RARS2: variants seen among roughly 807,000 people sequenced by gnomAD.
RARS2 encodes the protein probable arginine--tRNA ligase, mitochondrial.
A neutral mutation model predicts 88.5 loss-of-function variants in RARS2; 67 were observed. That is an observed-to-expected ratio of 0.76 (90% CI 0.62 to 0.93). The LOEUF (loss-of-function observed/expected upper bound fraction) is 0.93. Among genes scored for constraint, RARS2 ranks in the 40% least tolerant of loss-of-function variants. The pLI, the probability that RARS2 is intolerant of heterozygous loss-of-function variation, is 0.00. For synonymous variants in RARS2, 239 were observed against 230.3 expected, an observed-to-expected ratio of 1.04 and a Z score of -0.34; for missense variants, 664 against 684.2, an observed-to-expected ratio of 0.97 and a Z score of 0.33.
intron 1 of RARS2, among the ~76,000 whole-genome samples, chr6:87,579,542 T>C (rs751742909): frequency 6.6e-6 from 1 of 152,120 alleles, no homozygotes; most frequent in Non-Finnish European, 1.5e-5. Flanking sequence ...CTGCAGCTAG[T>C]GTTTAAGAAC....
rs889062343 is a variant in RARS2 at position 87,514,030 on chromosome 6, G to A, written c.*383C>T. 3.3e-5 allele frequency among the ~76,000 whole-genome samples: 5 copies of A among 152,176 alleles called. No individual in the cohort carries two copies. Among genetic ancestry groups the A allele is most frequent in the Admixed American group, 2.0e-4 (3 of 15,276 alleles). On this transcript the variant is annotated 3_prime_UTR_variant, in exon 20 of 20. Coordinates refer to ENST00000369536, the MANE Select transcript of RARS2 (RefSeq NM_020320.5). ...TGACACAGAATAATAGTTTAACTTT[G>A]GCTGGGCGTGGTGGTTCATGCCTCT...
Position 87,541,926 on chromosome 6 carries a change from G to T in RARS2, c.604C>A (p.Leu202Ile). Reference protein sequence around the residue: ...EKLQSNPLQHLFEVYVQVNKE... With the variant: ...EKLQSNPLQHIFEVYVQVNKE... ...TTTTCTTGCCAACTTACTTCAAAGA[G>T]ATGCTGTAGAGGATTGGACTGCAGT... The change falls in exon 8 of 20, where the codon CTC becomes ATC. Residue 202 changes from leucine (L) to isoleucine (I), a missense_variant. Coordinates refer to ENST00000369536, the MANE Select transcript of RARS2 (RefSeq NM_020320.5). 6.8e-6 allele frequency: 11 copies of T among 1,612,462 alleles called. No homozygotes were observed. The highest frequency in any genetic ancestry group is 8.5e-6 in the Non-Finnish European group (10 of 1,178,638).
At chr6:87,543,604 G>A (rs973916460) in intron 7 of RARS2, among the ~76,000 whole-genome samples, 1 of 151,946 alleles carries the variant, frequency 6.6e-6, no homozygotes, top group Non-Finnish European at 1.5e-5. Context: ...TGGTGCCACT[G>A]CACGCCAGCC....
At position 87,518,188 on chromosome 6, in the gene RARS2, T is replaced by G; in HGVS notation, c.1492A>C (p.Ile498Leu). The change falls in exon 17 of 20, where the codon ATT (isoleucine) becomes CTT (leucine). Residue 498 changes from isoleucine to leucine, a missense_variant. Coordinates refer to ENST00000369536, the MANE Select transcript of RARS2 (RefSeq NM_020320.5). ...ACLQEPQSVS[I>L]LQHLLRFDEV... ...TCATACCTGAGAAGATGCTGAAGAA[T>G]TGAAACAGACTGTGGCTCTTGTAAA... 1 of 1,614,158 alleles carries G rather than the reference T, an allele frequency of 6.2e-7. No individual in the cohort carries two copies. The highest frequency in any genetic ancestry group is 8.5e-7 in the Non-Finnish European group (1 of 1,180,018).
intron 11 of RARS2, among the ~76,000 whole-genome samples, chr6:87,524,001 A>ATATT (rs1218889748): frequency 1.3e-5 from 2 of 152,220 alleles, no homozygotes; most frequent in Non-Finnish European, 2.9e-5. Flanking sequence ...TTGGTTGCTT[A>ATATT]AAGTTGTTTG....
intron 2 of RARS2, among the ~76,000 whole-genome samples, chr6:87,568,999 T>C (rs1768808093): frequency 6.6e-6 from 1 of 152,208 alleles, no homozygotes; most frequent in Non-Finnish European, 1.5e-5. Context: ...GATACCTCTC[T>C]GTAACTGAGA....
At chr6:87,518,311 T>C in intron 16 of RARS2, 47 bp from the exon 17 acceptor site, 2 of 1,613,272 alleles carry the variant, frequency 1.2e-6, no homozygotes, top group Non-Finnish European at 1.7e-6. Flanking sequence ...TAAAAAGTCA[T>C]ACAAGGGCAC....
intron 16 of RARS2, 83 bp from the exon 17 acceptor site, chr6:87,518,347 T>C: frequency 1.9e-6 from 3 of 1,602,080 alleles, no homozygotes; most frequent in Non-Finnish European, 2.6e-6. Flanking sequence ...GAACATGACC[T>C]TATAATACAC....
rs1490348088 is a variant in RARS2, at chr6:87,518,564, A to C, written c.1415+66T>G. The C allele has an allele frequency of 3.4e-6, 5 of 1,488,976 alleles. No individual in the cohort carries two copies. The East Asian group carries it at 9.1e-5, about 27-fold the overall frequency. The allele number at this position is 1,488,976 out of a possible 1,614,324, so 92.2% of individuals were successfully genotyped here. On this transcript the variant is annotated intron_variant, in intron 16 of 19. Transcript: ENST00000369536. Reference sequence around the variant, plus strand: ...CCCAGAAAACAGGGCCTCTGGTCTTAGAATCACAGGACCTAGCCTAAGTAA... The same window carrying C: ...CCCAGAAAACAGGGCCTCTGGTCTTCGAATCACAGGACCTAGCCTAAGTAA...
At chr6:87,517,029 A>C (rs914879504) in intron 17 of RARS2, 149 bp from the exon 18 acceptor site, 26 of 1,271,398 alleles carry the variant, frequency 2.0e-5, no homozygotes, top group Admixed American at 2.1e-5. Flanking sequence ...CTGTAATCCC[A>C]GCACTTTGGG....
At chr6:87,541,687 G>A (rs1384010262) in intron 8 of RARS2, among the ~76,000 whole-genome samples, 1 of 152,080 alleles carries the variant, frequency 6.6e-6, no homozygotes, top group Non-Finnish European at 1.5e-5. Context: ...AGCTGGTTAT[G>A]GTGGCATACG....
At chr6:87,550,456 T>C (rs1409810061) in intron 5 of RARS2, among the ~76,000 whole-genome samples, 1 of 151,758 alleles carries the variant, frequency 6.6e-6, no homozygotes, top group East Asian at 1.9e-4. Context: ...GCTTCTCCTT[T>C]AAGAAACTAG....
At chr6:87,559,676 T>G (rs951835472) in intron 4 of RARS2, among the ~76,000 whole-genome samples, 1 of 152,056 alleles carries the variant, frequency 6.6e-6, no homozygotes, top group Non-Finnish European at 1.5e-5. Context: ...ATTTTTTAAT[T>G]TTTATTATTT....
chr6:87,515,645 TAC>T (rs2127990245), intron 18 of RARS2, among the ~76,000 whole-genome samples: 1 of 127,424 alleles, frequency 7.8e-6, no homozygotes, highest in Non-Finnish European at 1.6e-5. Flanking sequence ...TTTCCCTCTG[TAC>T]AGTGAGGTGG....
chr6:87,533,317 T>G (rs1778120742), intron 8 of RARS2, among the ~76,000 whole-genome samples: 1 of 152,154 alleles, frequency 6.6e-6, no homozygotes, highest in South Asian at 2.1e-4. Context: ...TTCCGCAATA[T>G]GTACTTATAA....
At chr6:87,586,724 T>A (rs1421832755) in intron 1 of RARS2, among the ~76,000 whole-genome samples, 1 of 152,160 alleles carries the variant, frequency 6.6e-6, no homozygotes, top group Non-Finnish European at 1.5e-5. Flanking sequence ...ATTCCTAAAC[T>A]ATTATAGCAA....
At chr6:87,559,341 C>A (rs901245765) in intron 4 of RARS2, among the ~76,000 whole-genome samples, 6 of 151,710 alleles carry the variant, frequency 4.0e-5, no homozygotes, top group African/African-American at 1.5e-4. Context: ...GTGGCGGGCA[C>A]CTATAATCCC....
chr6:87,535,118 ATT>A (rs1345912978), intron 8 of RARS2, among the ~76,000 whole-genome samples: 1 of 152,216 alleles, frequency 6.6e-6, no homozygotes, highest in African/African-American at 2.4e-5. Context: ...TTTAAAAACT[ATT>A]TCTTACATAT....
At chr6:87,556,399 T>C (rs1242578479) in intron 4 of RARS2, among the ~76,000 whole-genome samples, 2 of 151,930 alleles carry the variant, frequency 1.3e-5, no homozygotes, top group Non-Finnish European at 2.9e-5. Context: ...TCAATCAGAC[T>C]CAAACGACCT....
Sources: allele counts gnomAD v4.1 joint callset (sites outside exome capture counted in the v4.1 genomes callset), GRCh38; gene constraint gnomAD v4.1.1; transcripts MANE v1.5; gene names NCBI Gene and HGNC (gene_info 2026-07-23, HGNC 2026-07-21).